The following WDPCP variants were observed in gnomAD, a reference collection of about 807,000 sequenced individuals.
WDPCP encodes the protein WD repeat-containing and planar cell polarity effector protein fritz homolog.
WDPCP carries 71 observed loss-of-function variants against 93.1 expected under a neutral mutation model. That is an observed-to-expected ratio of 0.76 (90% confidence interval 0.63 to 0.93). The LOEUF (loss-of-function observed/expected upper bound fraction) is 0.93, where lower values mean the gene tolerates loss of function less well. WDPCP is among the 40% of genes least tolerant of loss of function. The probability of loss-of-function intolerance (pLI) is 0.00; values close to 1 mark genes in which losing one functional copy is unlikely to be tolerated. For synonymous variants in WDPCP, 315 were observed against 315.0 expected (o/e 1.00, Z 0.00); for missense variants, 844 against 887.4 (o/e 0.95, Z 0.62).
At chr2:63,335,080 T>C (rs992356557) in intron 12 of WDPCP, among the ~76,000 whole-genome samples, 1 of 152,210 alleles carries the variant, frequency 6.6e-6, no homozygotes, top group Non-Finnish European at 1.5e-5. Flanking sequence ...AAAATGCAGA[T>C]TTAATGAGCT....
intron 14 of WDPCP, among the ~76,000 whole-genome samples, chr2:63,234,172 T>C (rs1679173534): frequency 6.6e-6 from 1 of 152,194 alleles, no homozygotes; most frequent in Non-Finnish European, 1.5e-5. Context: ...AGATTCTGGC[T>C]CTAGTTCTTG....
intron 13 of WDPCP, among the ~76,000 whole-genome samples, chr2:63,285,469 C>A (rs1277466868): frequency 6.6e-6 from 1 of 151,178 alleles, no homozygotes; most frequent in Non-Finnish European, 1.5e-5. Flanking sequence ...AATAAAACCC[C>A]AGAGATTATT....
intron 6 of WDPCP, among the ~76,000 whole-genome samples, chr2:63,453,113 A>G (rs1293769477): frequency 6.6e-6 from 1 of 152,242 alleles, no homozygotes; most frequent in African/African-American, 2.4e-5. Context: ...TAAACTAAAG[A>G]GCTTCTGCAC....
At chr2:63,127,339 G>A (rs1197778021) in intron 17 of WDPCP, among the ~76,000 whole-genome samples, 1 of 151,602 alleles carries the variant, frequency 6.6e-6, no homozygotes, top group Non-Finnish European at 1.5e-5. Context: ...TGGCCAGGAT[G>A]GTCTTGATCT....
chr2:63,362,277 T>TTGGGGGTGGGTGTGTGTGTG (rs1553362983), intron 12 of WDPCP, among the ~76,000 whole-genome samples: 1 of 94,132 alleles, frequency 1.1e-5, no homozygotes. Context: ...TTTTTTTTGG[T>TTGGGGGTGGGTGTGTGTGTG]TGTGTGTGTG....
chr2:63,564,892 C>T (rs913793940), intron 1 of WDPCP, among the ~76,000 whole-genome samples: 11 of 151,932 alleles, frequency 7.2e-5, no homozygotes, highest in Admixed American at 5.2e-4. Flanking sequence ...ATTCTACTGC[C>T]TCAGCCTCCC....
At chr2:63,605,935 T>C in intron 3 of WDPCP, 1 of 1,612,262 alleles carries the variant, frequency 6.2e-7, no homozygotes, top group Non-Finnish European at 8.5e-7. Context: ...ATTGTTATTT[T>C]CAGGGAGAGT....
At chr2:63,612,194 C>T (rs1709621900) in intron 3 of WDPCP, among the ~76,000 whole-genome samples, 1 of 152,134 alleles carries the variant, frequency 6.6e-6, no homozygotes, top group Non-Finnish European at 1.5e-5. Flanking sequence ...TGGATTCCAG[C>T]TCTGACTCTT....
intron 12 of WDPCP, among the ~76,000 whole-genome samples, chr2:63,372,500 G>A (rs905758019): frequency 6.6e-6 from 1 of 152,064 alleles, no homozygotes; most frequent in African/African-American, 2.4e-5. Context: ...TTATTACCTA[G>A]AATATGGTCA....
intron 2 of WDPCP, among the ~76,000 whole-genome samples, chr2:63,694,102 A>C (rs1048104987): frequency 6.6e-6 from 1 of 152,200 alleles, no homozygotes; most frequent in African/African-American, 2.4e-5. Flanking sequence ...TTTCACAGCA[A>C]AACTTATGAA....
At chr2:63,312,431 A>T (rs571253736) in intron 13 of WDPCP, among the ~76,000 whole-genome samples, 20 of 152,338 alleles carry the variant, frequency 1.3e-4, no homozygotes, top group African/African-American at 4.8e-4. Context: ...GTATAACAGA[A>T]TATCTGAAAC....
chr2:63,583,191 C>T (rs77315331), intron 1 of WDPCP, among the ~76,000 whole-genome samples: 1 of 151,952 alleles, frequency 6.6e-6, no homozygotes, highest in Non-Finnish European at 1.5e-5. Flanking sequence ...TGAAAATACA[C>T]TATGATAAAG....
intron 13 of WDPCP, among the ~76,000 whole-genome samples, chr2:63,265,331 AGAG>A (rs1682007521): frequency 1.3e-5 from 2 of 152,274 alleles, no homozygotes; most frequent in Admixed American, 1.3e-4. Context: ...CAGAAATGAA[AGAG>A]GAGACATTAT....
intron 12 of WDPCP, among the ~76,000 whole-genome samples, chr2:63,317,123 T>C (rs553708894): frequency 6.6e-6 from 1 of 152,202 alleles, no homozygotes; most frequent in East Asian, 1.9e-4. Flanking sequence ...ATACTACAGA[T>C]TCAATGTTAT....
At chr2:63,310,443 GATCATA>G (rs1357480629) in intron 13 of WDPCP, among the ~76,000 whole-genome samples, 3 of 151,818 alleles carry the variant, frequency 2.0e-5, no homozygotes, top group Non-Finnish European at 4.4e-5. Flanking sequence ...AGCCTTAAGT[GATCATA>G]CTCTAAACAA....
chr2:63,621,502 C>T (rs1334761971), intron 3 of WDPCP, among the ~76,000 whole-genome samples: 1 of 151,924 alleles, frequency 6.6e-6, no homozygotes, highest in Non-Finnish European at 1.5e-5. Flanking sequence ...ATGAACAAAG[C>T]CTCCAATAAA....
intron 6 of WDPCP, among the ~76,000 whole-genome samples, chr2:63,444,591 A>G (rs554825010): frequency 6.6e-6 from 1 of 152,180 alleles, no homozygotes; most frequent in South Asian, 2.1e-4. Flanking sequence ...GTCCTATTCC[A>G]TTGCAAGGGG....
rs1378438169 is a variant in WDPCP at position 63,687,770 on chromosome 2, G to A, written n.309-36932C>T. 4.6e-5 allele frequency among the ~76,000 whole-genome samples: 7 copies of A among 152,048 alleles called. No homozygotes were observed. The East Asian group carries it at 1.2e-3, about 25-fold the overall frequency. ...ATTAGTACAATCACTATGGAGAACA[G>A]TTTGGAGGTTCCTCAAAAAAACAAA... On this transcript the variant is annotated intron_variant and non_coding_transcript_variant, in intron 2 of 4. Transcript: ENST00000467687.
chr2:63,161,197 A>G (rs1329710232), intron 15 of WDPCP, among the ~76,000 whole-genome samples: 1 of 152,206 alleles, frequency 6.6e-6, no homozygotes, highest in East Asian at 1.9e-4. Flanking sequence ...ATATCTGCAG[A>G]AGGCAGTTCA....
Sources: allele counts gnomAD v4.1 joint callset (sites outside exome capture counted in the v4.1 genomes callset), GRCh38; gene constraint gnomAD v4.1.1; transcripts MANE v1.5; gene names NCBI Gene and HGNC (gene_info 2026-07-23, HGNC 2026-07-21).